NCKAP5: variants seen among roughly 807,000 people sequenced by gnomAD.
NCKAP5 encodes the protein NCK associated protein 5.
In NCKAP5, 92 loss-of-function variants were observed where a neutral mutation model predicts 167.0. The ratio of observed to expected loss-of-function variants is 0.55; its 90% confidence interval spans 0.47 to 0.66. The LOEUF is 0.66. NCKAP5 is among the 30% of genes least tolerant of loss of function. NCKAP5 has a pLI of 0.00. For missense variants in NCKAP5, 2,378 were observed against 2,315.0 expected (o/e 1.03, Z -0.56); for synonymous variants, 891 against 877.4 (o/e 1.02, Z -0.27).
intron 5 of NCKAP5, among the ~76,000 whole-genome samples, chr2:133,188,480 C>T (rs868284862): frequency 1.1e-4 from 16 of 152,208 alleles, no homozygotes; most frequent in Middle Eastern, 6.8e-3. Context: ...ACAGAATATA[C>T]ATTCCTCTCA....
chr2:133,078,477 A>C (rs753959728), intron 6 of NCKAP5, among the ~76,000 whole-genome samples: 1 of 152,112 alleles, frequency 6.6e-6, no homozygotes, highest in South Asian at 2.1e-4. Flanking sequence ...CCAACTCTGC[A>C]TGGGGAGATT....
the NCKAP5 span, among the ~76,000 whole-genome samples, chr2:133,602,415 G>A: frequency 6.6e-6 from 1 of 152,212 alleles, no homozygotes; most frequent in Non-Finnish European, 1.5e-5. Flanking sequence ...TGTAGACGCT[G>A]CTGAGTGCAG....
chr2:132,729,354 G>C (rs1004833414), intron 17 of NCKAP5, among the ~76,000 whole-genome samples: 2 of 152,222 alleles, frequency 1.3e-5, no homozygotes, highest in Non-Finnish European at 2.9e-5. Flanking sequence ...ATGGGCATTA[G>C]CGTAGTTTCC....
chr2:132,887,357 A>T lies in NCKAP5; in HGVS notation c.580-8441T>A, dbSNP rs1158052612. On this transcript the variant is annotated intron_variant, in intron 8 of 19. Coordinates refer to ENST00000409261, the MANE Select transcript of NCKAP5 (RefSeq NM_207363.3). ...TATCTATCTATCTATCTATCCATCC[A>T]TCCATCTTTCCATCCATCCATCCAT... is the stretch of plus-strand genomic sequence containing the variant. Among the ~76,000 whole-genome samples the T allele has an allele frequency of 2.8e-3, 347 of 124,408 alleles. 1 individual carries two copies. The highest frequency in any genetic ancestry group is 1.0e-2 in the African/African-American group (297 of 29,768). 81.6% of individuals were successfully genotyped at this position (124,408 alleles called of 152,430 possible).
chr2:132,706,007 T>C (rs1376984002), intron 19 of NCKAP5, among the ~76,000 whole-genome samples: 1 of 150,286 alleles, frequency 6.7e-6, no homozygotes. Flanking sequence ...CATGGAGACA[T>C]ATATATTTGC....
chr2:133,287,689 T>C (rs987599613), intron 4 of NCKAP5, among the ~76,000 whole-genome samples: 2 of 152,168 alleles, frequency 1.3e-5, no homozygotes, highest in Non-Finnish European at 2.9e-5. Flanking sequence ...TTACAAGATA[T>C]ACATCATTAT....
intron 5 of NCKAP5, among the ~76,000 whole-genome samples, chr2:133,154,093 C>T (rs770914706): frequency 5.9e-5 from 9 of 152,216 alleles, no homozygotes; most frequent in Non-Finnish European, 8.8e-5. Flanking sequence ...CCACCCTCCC[C>T]GGCCTCCCAA....
chr2:132,741,532 A>G (rs1204099582), intron 16 of NCKAP5, among the ~76,000 whole-genome samples: 1 of 152,060 alleles, frequency 6.6e-6, no homozygotes, highest in Non-Finnish European at 1.5e-5. Context: ...TATCACTTCC[A>G]GTTCAAAGTC....
intron 5 of NCKAP5, among the ~76,000 whole-genome samples, chr2:133,167,875 C>T (rs2084065978): frequency 2.6e-5 from 4 of 152,122 alleles, no homozygotes; most frequent in Admixed American, 2.6e-4. Context: ...CTCCCCACCT[C>T]TCCATCCAAT....
chr2:133,040,131 A>T (rs2079163571), intron 6 of NCKAP5, among the ~76,000 whole-genome samples: 1 of 152,014 alleles, frequency 6.6e-6, no homozygotes, highest in Non-Finnish European at 1.5e-5. Flanking sequence ...TGCCTTATTA[A>T]CAGGACTGGA....
intron 6 of NCKAP5, among the ~76,000 whole-genome samples, chr2:133,097,274 A>G (rs1250757043): frequency 1.3e-5 from 2 of 152,312 alleles, no homozygotes; most frequent in East Asian, 3.9e-4. Context: ...TCTGGATGCT[A>G]AAGTGAGAGA....
chr2:132,996,471 T>A (rs759234777), intron 6 of NCKAP5, among the ~76,000 whole-genome samples: 8 of 152,168 alleles, frequency 5.3e-5, no homozygotes, highest in Non-Finnish European at 8.8e-5. Context: ...CTCCATTTCA[T>A]CTTCCTATAT....
chr2:133,200,833 T>G (rs1296707265), intron 5 of NCKAP5, among the ~76,000 whole-genome samples: 1 of 152,170 alleles, frequency 6.6e-6, no homozygotes, highest in Non-Finnish European at 1.5e-5. Context: ...GATAAACAAA[T>G]TGTAGTGTAT....
chr2:133,266,950 C>T (rs1390264694), intron 4 of NCKAP5, among the ~76,000 whole-genome samples: 1 of 152,130 alleles, frequency 6.6e-6, no homozygotes, highest in Non-Finnish European at 1.5e-5. Context: ...ACTCCCCCTC[C>T]CCTCCCCTCC....
chr2:133,480,944 A>C (rs930082998), intron 3 of NCKAP5, among the ~76,000 whole-genome samples: 2 of 152,186 alleles, frequency 1.3e-5, no homozygotes, highest in Admixed American at 6.5e-5. Context: ...ATCCTCTACT[A>C]TTCTAAAAAT....
At chr2:132,677,413 T>G (rs1684633669) in intron 19 of NCKAP5, among the ~76,000 whole-genome samples, 1 of 152,174 alleles carries the variant, frequency 6.6e-6, no homozygotes, top group African/African-American at 2.4e-5. Context: ...AATTAGACCT[T>G]TATTAATTTA....
At chr2:133,404,144 C>T (rs114465478) in intron 3 of NCKAP5, among the ~76,000 whole-genome samples, 1,881 of 152,298 alleles carry the variant, frequency 0.012, 16 homozygotes, top group Non-Finnish European at 0.021. Context: ...GACTGGCTTC[C>T]AATTTTGCTA....
intron 2 of NCKAP5, among the ~76,000 whole-genome samples, chr2:133,524,168 G>A (rs72990483): frequency 0.1 from 15,551 of 152,084 alleles, 1,322 homozygotes; most frequent in African/African-American, 0.23. Context: ...TATTTCCAAG[G>A]TGCAGTCAAT....
intron 14 of NCKAP5, among the ~76,000 whole-genome samples, chr2:132,781,604 C>T (rs1683038601): frequency 6.6e-6 from 1 of 152,128 alleles, no homozygotes; most frequent in South Asian, 2.1e-4. Context: ...TGCTTTAAAA[C>T]GTATGTGTAA....
Sources: gnomAD v4.1 joint callset for allele counts (sites outside exome capture counted in the v4.1 genomes callset) on GRCh38, gnomAD v4.1.1 for gene constraint, MANE v1.5 for transcripts, NCBI Gene and HGNC (gene_info 2026-07-23, HGNC 2026-07-21) for gene names.